The following ANKMY1 variants were observed in gnomAD, a reference collection of about 807,000 sequenced individuals.
ANKMY1 encodes the protein ankyrin repeat and MYND domain-containing protein 1.
Under a neutral mutation model 102.0 loss-of-function variants are expected in ANKMY1, and 98 were observed. The ratio of observed to expected loss-of-function variants is 0.96; its 90% CI spans 0.82 to 1.14. ANKMY1 has a LOEUF of 1.14. ANKMY1 is among the 50% of genes most tolerant of loss of function. ANKMY1 has a pLI of 0.00. For missense variants in ANKMY1, 1,330 were observed against 1,347.6 expected, an observed-to-expected ratio of 0.99 and a Z score of 0.20; for synonymous variants, 582 against 559.9, an observed-to-expected ratio of 1.04 and a Z score of -0.56.
chr2:240,497,168 C>A (rs960249319), intron 15 of ANKMY1, among the ~76,000 whole-genome samples: 1 of 152,016 alleles, frequency 6.6e-6, no homozygotes, highest in Non-Finnish European at 1.5e-5. Context: ...ATCTTGGAAG[C>A]TGAGCATAAG....
intron 4 of ANKMY1, among the ~76,000 whole-genome samples, chr2:240,543,191 T>C (rs2089440349): frequency 6.6e-6 from 1 of 150,630 alleles, no homozygotes; most frequent in African/African-American, 2.4e-5. Flanking sequence ...CTACTAAAAA[T>C]GCAAAAAAAA....
Position 240,479,486 on chromosome 2 carries a change from G to T in ANKMY1, c.*123C>A. On this transcript the variant is annotated 3_prime_UTR_variant, in exon 18 of 18. Transcript: ENST00000401804. ...GTCGCAAGGGAGACACTGCTACAAA[G>T]CATGACCCCAAAGGTGCAGAAATGC... The T allele has an allele frequency of 8.3e-7, 1 of 1,201,052 alleles. No homozygotes were observed. Among genetic ancestry groups the T allele is most frequent in the Non-Finnish European group, 1.2e-6 (1 of 833,020 alleles). 74.4% of individuals were successfully genotyped at this position (1,201,052 alleles called of 1,614,324 possible).
intron 6 of ANKMY1, 123 bp from the exon 7 acceptor site, chr2:240,525,972 C>T (rs980120434): frequency 2.7e-5 from 35 of 1,293,960 alleles, no homozygotes; most frequent in Admixed American, 1.8e-4. Flanking sequence ...AGTGCTCATT[C>T]GGGAGCTTGG....
Position 240,521,491 on chromosome 2 carries a change from CTTTTTTTTTTT to C in ANKMY1, c.1833-969_1833-959del, listed in dbSNP as rs1162330484. Among the ~76,000 whole-genome samples the C allele has an allele frequency of 5.5e-4, 38 of 69,628 alleles. 1 individual carries two copies. The highest frequency in any genetic ancestry group is 7.2e-4 in the East Asian group (2 of 2,782). 45.7% of individuals were successfully genotyped at this position (69,628 alleles called of 152,430 possible). A position where few individuals can be genotyped will look rare whatever the true frequency, so the allele number is the denominator to read the frequency against. ...AGTCGCGGAACTCGCGGTGTTACAG[CTTTTTTTTTTT>C]TTTTTTTTTTTTTTTTTGAGACAGT... On this transcript the variant is annotated intron_variant, in intron 8 of 17. Coordinates refer to ENST00000401804, the MANE Select transcript of ANKMY1 (RefSeq NM_001282771.3).
rs374977579 is a variant in ANKMY1 at position 240,554,995 on chromosome 2, C to T, written c.207G>A (p.Gln69=). 12 of 1,614,210 alleles carry T rather than the reference C, an allele frequency of 7.4e-6. No homozygotes were observed. The highest frequency in any genetic ancestry group is 2.2e-5 in the South Asian group (2 of 91,084). The change falls in exon 3 of 18, where the codon CAG becomes CAA. Residue 69 remains glutamine (Q), a synonymous_variant. Coordinates refer to ENST00000401804, the MANE Select transcript of ANKMY1 (RefSeq NM_001282771.3). Reference sequence around the variant, plus strand: ...GCTGGATGTAGGACTCCCTCAGGTCCTGCGCCCTCAGCGGGCCCTCAGCTT... The same window carrying T: ...GCTGGATGTAGGACTCCCTCAGGTCTTGCGCCCTCAGCGGGCCCTCAGCTT... ...EEEAEGPLRA[Q]DLRESYIQLV...
At chr2:240,476,618 C>A (rs2074873335), downstream of ANKMY1, among the ~76,000 whole-genome samples, 1 of 152,144 alleles carries the variant, frequency 6.6e-6, no homozygotes, top group Non-Finnish European at 1.5e-5. Context: ...GAAGGGGCCC[C>A]TACGGCAACT....
intron 4 of ANKMY1, among the ~76,000 whole-genome samples, chr2:240,536,866 T>A (rs556096214): frequency 2.1e-4 from 32 of 152,254 alleles, no homozygotes; most frequent in Admixed American, 5.9e-4. Flanking sequence ...TGCTAAATAT[T>A]CATTTTGATT....
rs2081996288 is a variant in ANKMY1, at chr2:240,520,490, C to T, written c.1876G>A (p.Gly626Ser). The change falls in exon 9 of 18, where the codon GGC becomes AGC. Residue 626 changes from glycine to serine, a missense_variant. Transcript: ENST00000401804. This position sits in a 1 kb window ranked among gnomAD's most constrained non-coding sequence, Gnocchi z 4.8. ...WRTIKLLLRR[G>S]ADPNLCCVPM... is the part of the protein sequence containing the mutation. ...ACGCAGCACAGGTTGGGGTCCGCGC[C>T]CCGGCGCAGCAGCAGCTTGATGGTC... The T allele has an allele frequency of 1.9e-6, 3 of 1,613,334 alleles. No homozygotes were observed. The highest frequency in any genetic ancestry group is 1.1e-5 in the South Asian group (1 of 91,056).
intron 4 of ANKMY1, among the ~76,000 whole-genome samples, chr2:240,540,548 T>C (rs1348763496): frequency 6.6e-6 from 1 of 152,168 alleles, no homozygotes; most frequent in Non-Finnish European, 1.5e-5. Context: ...TTCACCATGA[T>C]TGCTTCCTTA....
the ANKMY1 span, among the ~76,000 whole-genome samples, chr2:240,470,074 G>A: frequency 3.9e-5 from 6 of 152,182 alleles, no homozygotes; most frequent in Admixed American, 6.5e-5. Flanking sequence ...AGACACACCC[G>A]TGGGTGCACA....
rs193101520 is a variant in ANKMY1 at position 240,530,640 on chromosome 2, C to T, written c.481-1131G>A. ...AGCCTCAGGTATTTCTTTGCGGCAA[C>T]GTGAGAATGGCCTAATACACCACCC... On this transcript the variant is annotated intron_variant, in intron 4 of 17. Transcript: ENST00000401804. Among the ~76,000 whole-genome samples, 77 of 152,272 alleles carry T rather than the reference C, an allele frequency of 5.1e-4. 1 individual carries two copies. The South Asian group carries it at 5.6e-3, about 11-fold the overall frequency.
chr2:240,555,878 C>A (rs1448023583), intron 2 of ANKMY1, among the ~76,000 whole-genome samples: 3 of 152,112 alleles, frequency 2.0e-5, no homozygotes, highest in Non-Finnish European at 2.9e-5. Context: ...ATGGACAGGG[C>A]ATCTCAGTTC....
In ANKMY1 at chr2:240,520,937, CCACA is replaced by C. The variant is rs574712113; in HGVS notation, c.1833-408_1833-405del. On this transcript the variant is annotated intron_variant, in intron 8 of 17. Coordinates refer to ENST00000401804, the MANE Select transcript of ANKMY1 (RefSeq NM_001282771.3). This position sits in a 1 kb window ranked among gnomAD's most constrained non-coding sequence, Gnocchi z 4.8. ...ACCACACTACACATACAGCACACAA[CCACA>C]CAAACCACACACACACCACACACAC... 7.7e-4 allele frequency among the ~76,000 whole-genome samples: 117 copies of C among 151,824 alleles called. No individual in the cohort carries two copies. Among genetic ancestry groups the C allele is most frequent in the African/African-American group, 2.7e-3 (112 of 41,388 alleles).
At chr2:240,523,714 C>T in intron 8 of ANKMY1, 171 bp downstream of exon 8, 1 of 1,145,012 alleles carries the variant, frequency 8.7e-7, no homozygotes, top group Non-Finnish European at 1.2e-6. Context: ...GGCACCCCCA[C>T]AGGGCTGGCC....
intron 13 of ANKMY1, among the ~76,000 whole-genome samples, chr2:240,501,084 G>T (rs1269281405): frequency 5.3e-5 from 8 of 151,786 alleles, no homozygotes; most frequent in Admixed American, 4.6e-4. Flanking sequence ...GGCTGGGTGT[G>T]TGCCTGCGTG....
downstream of ANKMY1, among the ~76,000 whole-genome samples, chr2:240,478,925 C>T (rs899982179): frequency 6.6e-6 from 1 of 152,148 alleles, no homozygotes; most frequent in African/African-American, 2.4e-5. Context: ...TGCTGTCGTC[C>T]TTCTCCAGGT....
At chr2:240,492,427 C>T (rs2076756389) in intron 15 of ANKMY1, among the ~76,000 whole-genome samples, 1 of 151,962 alleles carries the variant, frequency 6.6e-6, no homozygotes, top group African/African-American at 2.4e-5. Context: ...TTTTTCTTTA[C>T]CTTTGTCTGA....
chr2:240,544,081 G>C (rs1435220846), intron 4 of ANKMY1, among the ~76,000 whole-genome samples: 2 of 152,176 alleles, frequency 1.3e-5, no homozygotes, highest in African/African-American at 2.4e-5. Flanking sequence ...AAATTATAGA[G>C]TTAAAAGGTT....
At chr2:240,498,962 C>T (rs952375534) in intron 15 of ANKMY1, among the ~76,000 whole-genome samples, 2 of 152,180 alleles carry the variant, frequency 1.3e-5, no homozygotes, top group East Asian at 3.9e-4. Context: ...ACCGCACTTC[C>T]TGTGCAGCCT....
Sources: gnomAD v4.1 joint callset for allele counts (sites outside exome capture counted in the v4.1 genomes callset) on GRCh38, gnomAD v4.1.1 for gene constraint, Gnocchi (gnomAD v3.1) non-coding constraint, MANE v1.5 for transcripts, NCBI Gene and HGNC (gene_info 2026-07-23, HGNC 2026-07-21) for gene names.